NFIC: variants seen among roughly 807,000 people sequenced by gnomAD.
NFIC encodes nuclear factor I C, also known as nuclear factor 1 C-type.
A neutral mutation model predicts 54.4 loss-of-function variants in NFIC; 12 were observed. The ratio of observed to expected loss-of-function variants is 0.22; its 90% CI spans 0.14 to 0.36. The LOEUF (loss-of-function observed/expected upper bound fraction) is 0.36, where lower values mean the gene tolerates loss of function less well. Ranked by LOEUF, NFIC falls within the 10% of genes least tolerant of loss-of-function variation. NFIC has a pLI of 1.00. For missense variants in NFIC, 575 were observed against 718.2 expected (o/e 0.80, Z 2.28); for synonymous variants, 322 against 319.2 (o/e 1.01, Z -0.09).
At chr19:3,454,324 T>G (rs2082518159) in intron 9 of NFIC, 1 of 963,062 alleles carries the variant, frequency 1.0e-6, no homozygotes, top group African/African-American at 1.8e-5. Flanking sequence ...GTTGTTATCA[T>G]TTTAAAATCA....
At chr19:3,440,338 C>T (rs60302330) in intron 6 of NFIC, among the ~76,000 whole-genome samples, 10,419 of 151,970 alleles carry the variant, frequency 0.069, 1,170 homozygotes, top group African/African-American at 0.23. Flanking sequence ...ATGTCTCTTG[C>T]GGGCAGAATC....
intron 5 of NFIC, 53 bp from the exon 6 acceptor site, chr19:3,435,030 C>T (rs974936042): frequency 4.0e-6 from 6 of 1,508,200 alleles, no homozygotes; most frequent in Non-Finnish European, 5.4e-6. Flanking sequence ...CCGTCGCGCC[C>T]CCCGCCCCGC....
chr19:3,382,676 G>A (rs908208101), intron 2 of NFIC, among the ~76,000 whole-genome samples: 10 of 147,734 alleles, frequency 6.8e-5, no homozygotes, highest in South Asian at 2.2e-4. Context: ...GCGGGGAGGC[G>A]GGCCTGGGAG....
chr19:3,369,485 C>T lies in NFIC; in HGVS notation c.30+2819C>T, dbSNP rs182670426. 2.0e-5 allele frequency among the ~76,000 whole-genome samples: 3 copies of T among 152,106 alleles called. No homozygotes were observed. Among genetic ancestry groups the T allele is most frequent in the East Asian group, 1.9e-4 (1 of 5,148 alleles). On this transcript the variant is annotated intron_variant, in intron 1 of 10. Coordinates refer to ENST00000443272, the MANE Select transcript of NFIC (RefSeq NM_001245002.2). This position sits in a 1 kb window ranked among gnomAD's most constrained non-coding sequence, Gnocchi z 4.3. ...TAGCTCCCTTTTAGCTGATCCGACC[C>T]GGATCCTTCTCGGGAGCCGAGGCTG...
chr19:3,450,179 A>G (rs1281123008), intron 7 of NFIC, among the ~76,000 whole-genome samples: 5 of 150,104 alleles, frequency 3.3e-5, no homozygotes, highest in Non-Finnish European at 5.9e-5. Context: ...CCCCGTCTCT[A>G]CTAAAAATAC....
At chr19:3,427,398 A>G (rs549387700) in intron 3 of NFIC, among the ~76,000 whole-genome samples, 3 of 152,310 alleles carry the variant, frequency 2.0e-5, no homozygotes, top group African/African-American at 4.8e-5. Flanking sequence ...TTGTGCCCTC[A>G]GGGCTTAGAA....
intron 2 of NFIC, among the ~76,000 whole-genome samples, chr19:3,402,055 C>CT (rs988669714): frequency 1.0e-4 from 15 of 148,262 alleles, no homozygotes; most frequent in Non-Finnish European, 1.2e-4. Context: ...ATTTTTTTTT[C>CT]TTTTTTTTGA....
chr19:3,427,154 C>T (rs547518289), intron 3 of NFIC, among the ~76,000 whole-genome samples: 1 of 152,122 alleles, frequency 6.6e-6, no homozygotes, highest in South Asian at 2.1e-4. Context: ...TCTCGATCTC[C>T]TGACCCTGTG....
In NFIC at chr19:3,370,940, C is replaced by G. The variant is rs1480326063; in HGVS notation, c.30+4274C>G. Reference sequence around the variant, plus strand: ...ACCCAAGTCCTGACCAGTTCACATCCATGAGCACACGCTGGGCGCACACGC... The same window carrying G: ...ACCCAAGTCCTGACCAGTTCACATCGATGAGCACACGCTGGGCGCACACGC... On this transcript the variant is annotated intron_variant, in intron 1 of 10. Coordinates refer to ENST00000443272, the MANE Select transcript of NFIC (RefSeq NM_001245002.2). This position sits in a 1 kb window ranked among gnomAD's most constrained non-coding sequence, Gnocchi z 5.2. Among the ~76,000 whole-genome samples, 1 of 152,220 alleles carries G rather than the reference C, an allele frequency of 6.6e-6. No homozygotes were observed. The highest frequency in any genetic ancestry group is 2.4e-5 in the African/African-American group (1 of 41,454).
chr19:3,375,502 A>G lies in NFIC; in HGVS notation c.31-6210A>G, dbSNP rs1196807124. On this transcript the variant is annotated intron_variant, in intron 1 of 10. Coordinates refer to ENST00000443272, the MANE Select transcript of NFIC (RefSeq NM_001245002.2). The surrounding 1 kb of genome is among the most constrained non-coding windows in gnomAD (Gnocchi z 4.6). ...TCATCCAGTCAGGGGCAGGGACGAGATTGGACAGGGCCTGGGCCGGGCCCC... is the reference window on the plus strand; with the variant it reads ...TCATCCAGTCAGGGGCAGGGACGAGGTTGGACAGGGCCTGGGCCGGGCCCC... Among the ~76,000 whole-genome samples, 1 of 152,124 alleles carries G rather than the reference A, an allele frequency of 6.6e-6. No homozygotes were observed. Among genetic ancestry groups the G allele is most frequent in the Non-Finnish European group, 1.5e-5 (1 of 68,028 alleles).
intron 2 of NFIC, among the ~76,000 whole-genome samples, chr19:3,408,149 G>A (rs922669164): frequency 3.3e-5 from 5 of 152,104 alleles, no homozygotes; most frequent in Non-Finnish European, 5.9e-5. Context: ...CGAGCTCACG[G>A]TGGCGGCCGA....
At chr19:3,456,398 G>A (rs1278175457) in intron 9 of NFIC, among the ~76,000 whole-genome samples, 152 bp from the exon 10 acceptor site, 1 of 152,166 alleles carries the variant, frequency 6.6e-6, no homozygotes, top group Non-Finnish European at 1.5e-5. Flanking sequence ...CGGTTCAACT[G>A]GGGGTAGGGC....
intron 6 of NFIC, among the ~76,000 whole-genome samples, chr19:3,447,494 G>C (rs532306361): frequency 5.9e-5 from 9 of 152,142 alleles, no homozygotes; most frequent in Non-Finnish European, 2.9e-5. Flanking sequence ...AATAGCAGCA[G>C]CAGCGGCTCC....
intron 10 of NFIC, 62 bp downstream of exon 10, chr19:3,456,697 G>A: frequency 7.4e-7 from 1 of 1,352,032 alleles, no homozygotes; most frequent in East Asian, 2.5e-5. Flanking sequence ...CGGCCCGGGG[G>A]GCTCAGGGCG....
rs573598784 is a variant in NFIC at position 3,378,296 on chromosome 19, G to A, written c.31-3416G>A. On this transcript the variant is annotated intron_variant, in intron 1 of 10. Coordinates refer to ENST00000443272, the MANE Select transcript of NFIC (RefSeq NM_001245002.2). ...AAAAAAAAAAAGGAGATGGGGTTTC[G>A]CCATGTTGCCCAGGCTGGGATTGAA... is the stretch of plus-strand genomic sequence containing the variant. Among the ~76,000 whole-genome samples, 16 of 148,558 alleles carry A rather than the reference G, an allele frequency of 1.1e-4. 1 individual carries two copies. The South Asian group carries it at 1.5e-3, about 14-fold the overall frequency.
intron 6 of NFIC, among the ~76,000 whole-genome samples, chr19:3,441,942 A>G (rs1187583011): frequency 3.3e-5 from 5 of 149,832 alleles, no homozygotes; most frequent in African/African-American, 1.2e-4. Flanking sequence ...CCAATTAGCC[A>G]CTCATTAAGG....
intron 4 of NFIC, among the ~76,000 whole-genome samples, chr19:3,433,990 C>T (rs778015236): frequency 2.6e-5 from 4 of 152,126 alleles, no homozygotes; most frequent in Non-Finnish European, 4.4e-5. Flanking sequence ...GAGTCCTGGG[C>T]GCTGTCCTTC....
chr19:3,363,256 TA>T (rs1279282144), upstream of NFIC, among the ~76,000 whole-genome samples: 577 of 75,556 alleles, frequency 7.6e-3, 20 homozygotes, highest in Non-Finnish European at 0.011. Context: ...TATATATATA[TA>T]TATATATATA....
intron 6 of NFIC, among the ~76,000 whole-genome samples, chr19:3,443,896 A>G (rs1230394826): frequency 6.6e-6 from 1 of 152,190 alleles, no homozygotes; most frequent in Non-Finnish European, 1.5e-5. Context: ...CCCCGTGGTC[A>G]CTGCTGTCCT....
Sources: gnomAD v4.1 joint callset for allele counts (sites outside exome capture counted in the v4.1 genomes callset) on GRCh38, gnomAD v4.1.1 for gene constraint, Gnocchi (gnomAD v3.1) non-coding constraint, MANE v1.5 for transcripts, NCBI Gene and HGNC (gene_info 2026-07-23, HGNC 2026-07-21) for gene names.